The following IQCM variants were observed in gnomAD, a reference collection of about 807,000 sequenced individuals.
IQCM encodes IQ domain-containing protein M.
IQCM carries 45 observed loss-of-function variants against 57.6 expected under a neutral mutation model. That is an observed-to-expected ratio of 0.78 (90% CI 0.62 to 1.00). The LOEUF is 1.00. Among genes scored for constraint, IQCM ranks in the 50% least tolerant of loss-of-function variants. The pLI is 0.00. For synonymous variants in IQCM, 148 were observed against 158.9 expected (o/e 0.93, Z 0.51); for missense variants, 468 against 511.6 (o/e 0.91, Z 0.82).
At chr4:149,813,921 T>C (rs1338350143) in intron 2 of IQCM, among the ~76,000 whole-genome samples, 1 of 152,078 alleles carries the variant, frequency 6.6e-6, no homozygotes, top group Non-Finnish European at 1.5e-5. Context: ...CTGACCCATT[T>C]AGAACTCCAA....
intron 5 of IQCM, among the ~76,000 whole-genome samples, chr4:149,717,318 T>C (rs1765087523): frequency 6.6e-6 from 1 of 152,052 alleles, no homozygotes; most frequent in Non-Finnish European, 1.5e-5. Context: ...TTGAATTGAA[T>C]TGGAAGACAC....
intron 9 of IQCM, among the ~76,000 whole-genome samples, chr4:149,565,162 T>G (rs2149942456): frequency 6.6e-6 from 1 of 152,234 alleles, no homozygotes; most frequent in South Asian, 2.1e-4. Context: ...GGGCTGAGTC[T>G]TGCCCCAAAA....
chr4:149,490,937 G>A (rs1742025943), intron 12 of IQCM, among the ~76,000 whole-genome samples: 1 of 152,142 alleles, frequency 6.6e-6, no homozygotes, highest in African/African-American at 2.4e-5. Flanking sequence ...AAGGGAAACA[G>A]ATGCTAAGAG....
chr4:149,564,632 G>GA (rs1486025338), intron 9 of IQCM, among the ~76,000 whole-genome samples: 1 of 152,132 alleles, frequency 6.6e-6, no homozygotes, highest in Non-Finnish European at 1.5e-5. Context: ...AGAAAGATGT[G>GA]AAAAGACAGA....
chr4:149,386,845 C>T (rs1731463041), intron 13 of IQCM, among the ~76,000 whole-genome samples: 1 of 151,948 alleles, frequency 6.6e-6, no homozygotes, highest in African/African-American at 2.4e-5. Context: ...CTCTTACCAG[C>T]AACACAAATT....
chr4:149,446,910 A>G (rs1355523849), intron 12 of IQCM, among the ~76,000 whole-genome samples: 2 of 151,668 alleles, frequency 1.3e-5, no homozygotes, highest in South Asian at 4.1e-4. Context: ...TTAACTCACG[A>G]TGTTAAAAGA....
intron 12 of IQCM, among the ~76,000 whole-genome samples, chr4:149,537,076 T>A (rs1747371190): frequency 6.6e-6 from 1 of 151,700 alleles, no homozygotes; most frequent in Non-Finnish European, 1.5e-5. Flanking sequence ...TGCCAAGAAA[T>A]GGAAAAGAGT....
At chr4:149,625,415 T>C (rs1756707758) in intron 7 of IQCM, among the ~76,000 whole-genome samples, 1 of 152,192 alleles carries the variant, frequency 6.6e-6, no homozygotes, top group Non-Finnish European at 1.5e-5. Flanking sequence ...GACATCCCTA[T>C]AACAAAGACT....
intron 12 of IQCM, among the ~76,000 whole-genome samples, chr4:149,474,693 G>GCACT (rs1416155143): frequency 6.6e-6 from 1 of 151,706 alleles, no homozygotes; most frequent in Non-Finnish European, 1.5e-5. Flanking sequence ...CTCCAGCCTG[G>GCACT]GCAACAAGAG....
At chr4:149,438,321 A>C (rs768392381) in intron 12 of IQCM, among the ~76,000 whole-genome samples, 10 of 152,092 alleles carry the variant, frequency 6.6e-5, no homozygotes, top group Non-Finnish European at 1.3e-4. Context: ...ATGAATTAGC[A>C]ATTTAATGCA....
At chr4:149,615,895 A>G (rs1049708085) in intron 8 of IQCM, among the ~76,000 whole-genome samples, 3 of 152,178 alleles carry the variant, frequency 2.0e-5, no homozygotes, top group African/African-American at 4.8e-5. Flanking sequence ...GAATTGATAA[A>G]ACAATTTCAC....
intron 13 of IQCM, among the ~76,000 whole-genome samples, chr4:149,413,221 T>C (rs1017807844): frequency 3.3e-5 from 5 of 152,196 alleles, no homozygotes; most frequent in African/African-American, 1.2e-4. Flanking sequence ...AACTACTCAT[T>C]TGGGCAATGA....
chr4:149,738,287 T>C (rs1166740655), intron 3 of IQCM, among the ~76,000 whole-genome samples: 1 of 152,228 alleles, frequency 6.6e-6, no homozygotes, highest in East Asian at 1.9e-4. Context: ...ACTGGTGAGA[T>C]ACGCACGTTT....
chr4:149,551,078 C>G (rs1579457376), intron 11 of IQCM, among the ~76,000 whole-genome samples: 1 of 152,172 alleles, frequency 6.6e-6, no homozygotes, highest in East Asian at 1.9e-4. Flanking sequence ...AGGTAAAATG[C>G]AATCGTCTAT....
chr4:149,754,311 C>T (rs956575081), intron 2 of IQCM, among the ~76,000 whole-genome samples: 10 of 152,126 alleles, frequency 6.6e-5, no homozygotes, highest in African/African-American at 9.7e-5. Flanking sequence ...ACATTAAAGC[C>T]CCTCCCCGCC....
At chr4:149,434,408 C>A (rs941186483) in intron 12 of IQCM, among the ~76,000 whole-genome samples, 13 of 151,998 alleles carry the variant, frequency 8.6e-5, no homozygotes, top group African/African-American at 3.1e-4. Flanking sequence ...GGTTGATAAG[C>A]CAGGGTCCTA....
intron 12 of IQCM, among the ~76,000 whole-genome samples, chr4:149,533,048 G>A (rs1746910714): frequency 6.6e-6 from 1 of 152,052 alleles, no homozygotes; most frequent in Non-Finnish European, 1.5e-5. Context: ...TACAAAGGGA[G>A]CCATGAGGGA....
At chr4:149,376,099 G>T (rs1730684517) in intron 13 of IQCM, among the ~76,000 whole-genome samples, 1 of 152,044 alleles carries the variant, frequency 6.6e-6, no homozygotes, top group Non-Finnish European at 1.5e-5. Flanking sequence ...GAAAGGGCAT[G>T]ATTTTATAGA....
chr4:149,624,765 C>T (rs955648136), intron 7 of IQCM, among the ~76,000 whole-genome samples: 16 of 152,168 alleles, frequency 1.1e-4, no homozygotes, highest in African/African-American at 2.7e-4. Context: ...TAAAAATATA[C>T]TGTTTTGGTC....
Sources: gnomAD v4.1 joint callset for allele counts (sites outside exome capture counted in the v4.1 genomes callset) on GRCh38, gnomAD v4.1.1 for gene constraint, MANE v1.5 for transcripts, NCBI Gene and HGNC (gene_info 2026-07-23, HGNC 2026-07-21) for gene names.